RASGEF1C: variants seen among roughly 807,000 people sequenced by gnomAD.
RASGEF1C encodes ras-GEF domain-containing family member 1C.
Under a neutral mutation model 58.1 loss-of-function variants are expected in RASGEF1C, and 27 were observed. The ratio of observed to expected loss-of-function variants is 0.46; its 90% CI spans 0.34 to 0.64. The LOEUF is 0.64. Ranked by LOEUF, RASGEF1C falls within the 30% of genes least tolerant of loss-of-function variation. The probability of loss-of-function intolerance (pLI) is 0.01; values close to 1 mark genes in which losing one functional copy is unlikely to be tolerated. For missense variants in RASGEF1C, 502 were observed against 605.1 expected (o/e 0.83, Z 1.79); for synonymous variants, 243 against 246.3 (o/e 0.99, Z 0.13).
At chr5:180,169,811 C>T (rs1314652666) in intron 1 of RASGEF1C, among the ~76,000 whole-genome samples, 1 of 45,218 alleles carries the variant, frequency 2.2e-5, no homozygotes, top group Non-Finnish European at 8.5e-5. Context: ...GGGCTCCAAG[C>T]CCGCCTCTCT....
At chr5:180,101,575 C>T in intron 13 of RASGEF1C, 50 bp from the exon 14 acceptor site, 1 of 1,602,886 alleles carries the variant, frequency 6.2e-7, no homozygotes. Context: ...GCTCCCCACC[C>T]CAGTTAGACT....
intron 1 of RASGEF1C, among the ~76,000 whole-genome samples, chr5:180,185,762 C>A (rs1756024478): frequency 6.6e-6 from 1 of 152,068 alleles, no homozygotes; most frequent in Non-Finnish European, 1.5e-5. Flanking sequence ...ATGACTATAT[C>A]TATCAAAGAA....
chr5:180,205,096 C>A (rs1756466141), intron 1 of RASGEF1C, among the ~76,000 whole-genome samples: 1 of 152,150 alleles, frequency 6.6e-6, no homozygotes, highest in East Asian at 1.9e-4. Flanking sequence ...AGCTAAGGCA[C>A]GAGAATCACT....
chr5:180,115,466 A>G (rs1479913283), intron 10 of RASGEF1C: 14 of 279,364 alleles, frequency 5.0e-5, no homozygotes, highest in East Asian at 9.8e-5. Flanking sequence ...AGGCCCCCCC[A>G]GACTCTTCAC....
At chr5:180,109,347 A>G (rs1001206449) in intron 12 of RASGEF1C, among the ~76,000 whole-genome samples, 1 of 151,864 alleles carries the variant, frequency 6.6e-6, no homozygotes, top group Non-Finnish European at 1.5e-5. Flanking sequence ...AGTCCCAGCT[A>G]CTCGGGAGGC....
chr5:180,152,528 A>G (rs942970129), intron 1 of RASGEF1C, among the ~76,000 whole-genome samples: 1 of 132,866 alleles, frequency 7.5e-6, no homozygotes, highest in South Asian at 2.5e-4. Flanking sequence ...ACACATGGAC[A>G]CAGGAAGGGG....
chr5:180,103,179 A>G (rs555480753), intron 12 of RASGEF1C, among the ~76,000 whole-genome samples: 69 of 152,090 alleles, frequency 4.5e-4, no homozygotes, highest in East Asian at 7.7e-4. Context: ...CCGGGTTCAC[A>G]CCATTCTCCT....
Position 180,132,846 on chromosome 5 carries a change from G to A in RASGEF1C, c.438+3532C>T, listed in dbSNP as rs1766394125. 2.0e-5 allele frequency among the ~76,000 whole-genome samples: 3 copies of A among 152,032 alleles called. No homozygotes were observed. In the South Asian group the frequency reaches 6.2e-4, roughly 32 times the overall value. ...TAGCTGGGCGTGGTGGCGCACGCCT[G>A]TAATCCCAGCTACTCAGAAGGCTGA... On this transcript the variant is annotated intron_variant, in intron 4 of 13. Transcript: ENST00000361132.
intron 10 of RASGEF1C, 145 bp downstream of exon 10, chr5:180,118,464 T>C (rs1766107378): frequency 1.4e-6 from 1 of 713,062 alleles, no homozygotes; most frequent in Non-Finnish European, 2.3e-6. Flanking sequence ...AGGTGGTGAG[T>C]TCCCCACGCT....
rs1766609592 is a variant in RASGEF1C, at chr5:180,143,187, C to G, written c.-6-5129G>C. On this transcript the variant is annotated intron_variant, in intron 1 of 13. Transcript: ENST00000361132. The surrounding 1 kb of genome is among the most constrained non-coding windows in gnomAD (Gnocchi z 4.3). ...CAGGGGACAGGATCCCACGTGCCAC[C>G]CTGCAGGGGGGCACTCTGATGCCTG... 6.6e-6 allele frequency among the ~76,000 whole-genome samples: 1 copy of G among 152,126 alleles called. No homozygotes were observed. Among genetic ancestry groups the G allele is most frequent in the African/African-American group, 2.4e-5 (1 of 41,432 alleles).
intron 1 of RASGEF1C, among the ~76,000 whole-genome samples, chr5:180,150,043 T>C (rs975100231): frequency 6.6e-6 from 1 of 152,230 alleles, no homozygotes; most frequent in African/African-American, 2.4e-5. Context: ...GCTTAGGTCC[T>C]GTAGGTTCTG....
chr5:180,195,793 C>T (rs1277589331), intron 1 of RASGEF1C, among the ~76,000 whole-genome samples: 2 of 151,666 alleles, frequency 1.3e-5, no homozygotes, highest in South Asian at 2.1e-4. Flanking sequence ...AAAAGAAAAG[C>T]ACAACAAACA....
rs549274728 is a variant in RASGEF1C at position 180,136,009 on chromosome 5, G to C, written c.438+369C>G. ...ACAACCAGCCCAGCCCTTCTTGCAC[G>C]GGAAGTGGGGCAGGGGCAGGAGGGG... On this transcript the variant is annotated intron_variant, in intron 4 of 13. Coordinates refer to ENST00000361132, the MANE Select transcript of RASGEF1C (RefSeq NM_175062.4). Among the ~76,000 whole-genome samples, 121 of 152,348 alleles carry C rather than the reference G, an allele frequency of 7.9e-4. 1 individual carries two copies. The highest frequency in any genetic ancestry group is 1.5e-3 in the Non-Finnish European group (104 of 68,032).
chr5:180,119,906 C>A (rs1766138502), intron 7 of RASGEF1C, among the ~76,000 whole-genome samples: 1 of 152,220 alleles, frequency 6.6e-6, no homozygotes, highest in Admixed American at 6.5e-5. Context: ...ACTGGTAAAC[C>A]CTTGTCTGTG....
At chr5:180,136,835 G>C (rs34910410) in intron 3 of RASGEF1C, 5,938 of 365,584 alleles carry the variant, frequency 0.016, 82 homozygotes, top group East Asian at 0.061. Flanking sequence ...GTCTAGGTCT[G>C]TGCCGACCAA....
At chr5:180,159,827 T>C (rs1766909093) in intron 1 of RASGEF1C, among the ~76,000 whole-genome samples, 1 of 152,226 alleles carries the variant, frequency 6.6e-6, no homozygotes, top group Non-Finnish European at 1.5e-5. Flanking sequence ...TTCATTGAGG[T>C]TTCAGGAGGG....
intron 1 of RASGEF1C, among the ~76,000 whole-genome samples, chr5:180,181,751 C>T (rs1767332053): frequency 1.3e-5 from 2 of 152,222 alleles, no homozygotes; most frequent in South Asian, 4.1e-4. Flanking sequence ...CCATCCCAGT[C>T]TGTGACACTT....
intron 4 of RASGEF1C, among the ~76,000 whole-genome samples, chr5:180,130,504 G>A (rs1011660846): frequency 1.3e-5 from 2 of 152,208 alleles, no homozygotes; most frequent in Middle Eastern, 3.2e-3. Flanking sequence ...AGTCCCACGA[G>A]TGGCTACACC....
intron 7 of RASGEF1C, among the ~76,000 whole-genome samples, chr5:180,120,165 A>T (rs1766144694): frequency 6.6e-6 from 1 of 152,144 alleles, no homozygotes; most frequent in Non-Finnish European, 1.5e-5. Flanking sequence ...CTTTACTGTC[A>T]CCAAGAAGTG....
Sources: allele counts gnomAD v4.1 joint callset (sites outside exome capture counted in the v4.1 genomes callset), GRCh38; gene constraint gnomAD v4.1.1; non-coding constraint Gnocchi (gnomAD v3.1); transcripts MANE v1.5; gene names NCBI Gene and HGNC (gene_info 2026-07-23, HGNC 2026-07-21).